UPRT: variants seen among roughly 807,000 people sequenced by gnomAD.
The protein encoded by UPRT is uracil phosphoribosyltransferase homolog.
In UPRT, 5 loss-of-function variants were observed where a neutral mutation model predicts 22.6. That is an observed-to-expected ratio of 0.22 (90% CI 0.12 to 0.47). UPRT has a LOEUF of 0.47. Among genes scored for constraint, UPRT ranks in the 20% least tolerant of loss-of-function variants. The pLI, the probability that UPRT is intolerant of heterozygous loss-of-function variation, is 0.99. For synonymous variants in UPRT, 77 were observed against 87.7 expected (o/e 0.88, Z 0.68); for missense variants, 181 against 239.9 (o/e 0.75, Z 1.62).
At chrX:75,234,652 A>G (rs1430425112) in intron 4 of UPRT, among the ~76,000 whole-genome samples, 3 of 111,591 alleles carry the variant, frequency 2.7e-5, no homozygotes, top group Non-Finnish European at 3.8e-5. Context: ...CCACTCAACT[A>G]CATGGAAACT....
rs750269784 is a variant in UPRT at position 75,188,347 on chromosome X, T to C, written c.-447+20468T>C. Among the ~76,000 whole-genome samples the C allele has an allele frequency of 8.1e-5, 9 of 111,168 alleles. No individual in the cohort carries two copies. In the South Asian group the frequency reaches 3.5e-3, roughly 43 times the overall value. ...AGTTAGACTGCTCGGTGGTCAGGGG[T>C]CAGGGACCCACCTGAGGAGGCAGTC... is the stretch of plus-strand genomic sequence containing the variant. On this transcript the variant is annotated intron_variant, in intron 4 of 13. Coordinates refer to the UPRT transcript ENST00000652605.
chrX:75,160,194 A>T (rs772725730), intron 1 of UPRT, among the ~76,000 whole-genome samples: 34 of 111,917 alleles, frequency 3.0e-4, no homozygotes, highest in Non-Finnish European at 5.6e-4. Context: ...TGGAGTCTGT[A>T]AGGAAGAGGC....
intron 4 of UPRT, among the ~76,000 whole-genome samples, chrX:75,188,959 G>A (rs942451916): frequency 8.9e-6 from 1 of 112,148 alleles, no homozygotes; most frequent in Non-Finnish European, 1.9e-5. Context: ...AGATGGAAAT[G>A]CAGAAATCAC....
At chrX:75,246,846 A>T (rs1352403423) in intron 4 of UPRT, among the ~76,000 whole-genome samples, 1 of 111,556 alleles carries the variant, frequency 9.0e-6, no homozygotes, top group African/African-American at 3.3e-5. Flanking sequence ...CATTTCTCTG[A>T]TGATCAGTGA....
intron 4 of UPRT, among the ~76,000 whole-genome samples, chrX:75,235,894 G>A (rs1463526573): frequency 9.0e-6 from 1 of 111,683 alleles, no homozygotes; most frequent in African/African-American, 3.3e-5. Context: ...CCACAAGACA[G>A]GGATGCCCTC....
At chrX:75,198,164 A>G (rs2082338002) in intron 4 of UPRT, among the ~76,000 whole-genome samples, 2 of 112,828 alleles carry the variant, frequency 1.8e-5, no homozygotes, top group South Asian at 7.2e-4. Context: ...ACCCAGCTAT[A>G]GAAGGGACTG....
chrX:75,229,259 A>G (rs1393275561), intron 4 of UPRT, among the ~76,000 whole-genome samples: 1 of 112,116 alleles, frequency 8.9e-6, no homozygotes, highest in Non-Finnish European at 1.9e-5. Context: ...ATGTCAAATC[A>G]TCGTGTATAC....
At chrX:75,198,846 G>A (rs1464030919) in intron 4 of UPRT, among the ~76,000 whole-genome samples, 1 of 111,489 alleles carries the variant, frequency 9.0e-6, no homozygotes, top group South Asian at 3.8e-4. Context: ...TCTGTGGCAC[G>A]AAGAGAGAAT....
intron 4 of UPRT, among the ~76,000 whole-genome samples, chrX:75,168,159 T>G: frequency 8.9e-6 from 1 of 112,512 alleles, no homozygotes; most frequent in African/African-American, 3.2e-5. Context: ...ATTGCAGATT[T>G]ACTTTCAGAA....
intron 3 of UPRT, among the ~76,000 whole-genome samples, chrX:75,164,915 C>T (rs947489414): frequency 2.5e-4 from 28 of 111,745 alleles, no homozygotes; most frequent in African/African-American, 7.2e-4. Context: ...ACCTCCTTCA[C>T]GAGGTTGCTG....
intron 4 of UPRT, among the ~76,000 whole-genome samples, chrX:75,172,800 G>A (rs756113713): frequency 1.1e-4 from 12 of 110,797 alleles, no homozygotes; most frequent in Non-Finnish European, 2.3e-4. Flanking sequence ...TCGTGGTCTC[G>A]CTGGGCTCAG....
intron 4 of UPRT, among the ~76,000 whole-genome samples, chrX:75,188,581 C>G (rs1232720637): frequency 8.9e-6 from 1 of 112,740 alleles, no homozygotes; most frequent in African/African-American, 3.2e-5. Context: ...GCTTTGTTTA[C>G]CTAAGCAAGC....
At chrX:75,168,897 A>T (rs1349040071) in intron 4 of UPRT, among the ~76,000 whole-genome samples, 1 of 108,592 alleles carries the variant, frequency 9.2e-6, no homozygotes, top group Non-Finnish European at 1.9e-5. Flanking sequence ...GATACATTGA[A>T]CCCATTTTGT....
At chrX:75,227,590 G>C (rs139858637) in intron 4 of UPRT, among the ~76,000 whole-genome samples, 3,587 of 112,254 alleles carry the variant, frequency 0.032, 148 homozygotes, top group African/African-American at 0.11. Context: ...TTCTTGCCTC[G>C]TAGTCTGATG....
At chrX:75,249,974 G>A (rs753848037) in intron 4 of UPRT, among the ~76,000 whole-genome samples, 23 of 111,860 alleles carry the variant, frequency 2.1e-4, no homozygotes, top group African/African-American at 6.5e-4. Context: ...GGTACATAAC[G>A]AAACAAAGGC....
intron 4 of UPRT, among the ~76,000 whole-genome samples, chrX:75,228,123 G>A (rs1390709618): frequency 9.0e-6 from 1 of 111,333 alleles, no homozygotes. Flanking sequence ...ACTAAAAGAA[G>A]CAGGACTAAG....
intron 3 of UPRT, among the ~76,000 whole-genome samples, chrX:75,164,746 G>A (rs2147600752): frequency 9.0e-6 from 1 of 111,099 alleles, no homozygotes; most frequent in East Asian, 2.8e-4. Context: ...ACACTTTATA[G>A]GTGAATTATA....
intron 4 of UPRT, among the ~76,000 whole-genome samples, chrX:75,230,010 G>C (rs1047361263): frequency 8.9e-6 from 1 of 111,977 alleles, no homozygotes; most frequent in African/African-American, 3.3e-5. Context: ...GAGGCTTGTG[G>C]CCTGGGGCAA....
chrX:75,208,309 G>C (rs2082371950), intron 4 of UPRT, among the ~76,000 whole-genome samples: 1 of 111,347 alleles, frequency 9.0e-6, no homozygotes, highest in Non-Finnish European at 1.9e-5. Context: ...GGAGGTTATT[G>C]ATTATTGGAG....
Sources: allele counts gnomAD v4.1 joint callset (sites outside exome capture counted in the v4.1 genomes callset), GRCh38; gene constraint gnomAD v4.1.1; transcripts MANE v1.5; gene names NCBI Gene and HGNC (gene_info 2026-07-23, HGNC 2026-07-21).